The following STK3 variants were observed in gnomAD, a reference collection of about 807,000 sequenced individuals.
The protein encoded by STK3 is serine/threonine-protein kinase 3.
A neutral mutation model predicts 58.0 loss-of-function variants in STK3; 41 were observed. That is an observed-to-expected ratio of 0.71 (90% CI 0.55 to 0.92). The LOEUF (loss-of-function observed/expected upper bound fraction) is 0.92. Among genes scored for constraint, STK3 ranks in the 40% least tolerant of loss-of-function variants. The pLI, the probability that STK3 is intolerant of heterozygous loss-of-function variation, is 0.00. For synonymous variants in STK3, 170 were observed against 191.0 expected, an observed-to-expected ratio of 0.89 and a Z score of 0.91; for missense variants, 479 against 602.7, an observed-to-expected ratio of 0.79 and a Z score of 2.15.
At chr8:98,805,935 C>T (rs1434729940) in intron 1 of STK3, among the ~76,000 whole-genome samples, 1 of 152,156 alleles carries the variant, frequency 6.6e-6, no homozygotes, top group Non-Finnish European at 1.5e-5. Flanking sequence ...ACTTCTACCA[C>T]TGTCCCCACC....
chr8:98,446,853 A>G (rs1818972244), intron 1 of STK3, among the ~76,000 whole-genome samples: 1 of 152,202 alleles, frequency 6.6e-6, no homozygotes, highest in Non-Finnish European at 1.5e-5. Flanking sequence ...CCCACCAATG[A>G]CAGACTGGAC....
intron 10 of STK3, among the ~76,000 whole-genome samples, chr8:98,496,168 C>G (rs1056311066): frequency 6.6e-6 from 1 of 152,100 alleles, no homozygotes; most frequent in African/African-American, 2.4e-5. Flanking sequence ...TAGCACAGAG[C>G]AGGTCCTCAA....
At chr8:98,522,848 G>A (rs1249128636) in intron 10 of STK3, among the ~76,000 whole-genome samples, 2 of 152,140 alleles carry the variant, frequency 1.3e-5, no homozygotes, top group East Asian at 3.8e-4. Context: ...TGTCTTCAGT[G>A]CTTATCCATG....
intron 3 of STK3, among the ~76,000 whole-genome samples, chr8:98,750,875 C>G (rs903700002): frequency 1.3e-5 from 2 of 152,158 alleles, no homozygotes; most frequent in African/African-American, 2.4e-5. Context: ...CAAACCAAAT[C>G]CAGTGGCACA....
At chr8:98,481,774 C>T (rs569270819) in intron 10 of STK3, among the ~76,000 whole-genome samples, 5 of 150,466 alleles carry the variant, frequency 3.3e-5, no homozygotes, top group Admixed American at 6.6e-5. Flanking sequence ...TCTCAAGACA[C>T]GACTTTTTAA....
At chr8:98,713,041 A>C (rs949788681) in intron 4 of STK3, among the ~76,000 whole-genome samples, 1 of 152,224 alleles carries the variant, frequency 6.6e-6, no homozygotes, top group Admixed American at 6.5e-5. Flanking sequence ...ACTACTGGGT[A>C]CATAACGAAA....
intron 6 of STK3, among the ~76,000 whole-genome samples, chr8:98,627,476 T>C (rs1381594782): frequency 1.4e-5 from 2 of 142,918 alleles, no homozygotes; most frequent in Non-Finnish European, 3.0e-5. Context: ...ATCGTGCCAC[T>C]GCACTAAAAA....
intron 9 of STK3, among the ~76,000 whole-genome samples, chr8:98,544,463 T>C (rs981292951): frequency 2.0e-5 from 3 of 152,152 alleles, no homozygotes; most frequent in Non-Finnish European, 4.4e-5. Context: ...CTGTATATTA[T>C]TTATCTATAT....
chr8:98,540,674 AC>A (rs1198584931), intron 9 of STK3, among the ~76,000 whole-genome samples: 1 of 152,106 alleles, frequency 6.6e-6, no homozygotes, highest in African/African-American at 2.4e-5. Flanking sequence ...AAATTTAGCA[AC>A]CACTGCCGTG....
chr8:98,530,588 T>C (rs1325830531), intron 9 of STK3, among the ~76,000 whole-genome samples: 1 of 152,224 alleles, frequency 6.6e-6, no homozygotes, highest in African/African-American at 2.4e-5. Context: ...GAGGCACCTG[T>C]GCTGCTTAGA....
At chr8:98,599,730 G>A (rs894348342) in intron 6 of STK3, among the ~76,000 whole-genome samples, 1 of 152,128 alleles carries the variant, frequency 6.6e-6, no homozygotes, top group Non-Finnish European at 1.5e-5. Flanking sequence ...CCAACACTTT[G>A]AGGGGCTGAG....
chr8:98,764,220 T>C (rs775255720), intron 3 of STK3, among the ~76,000 whole-genome samples: 2 of 152,228 alleles, frequency 1.3e-5, no homozygotes, highest in Non-Finnish European at 2.9e-5. Context: ...TCTATAACAT[T>C]TCCTTCTCAT....
In STK3 at chr8:98,574,868, AT is replaced by A. The variant is rs565366535; in HGVS notation, c.948+4795del. Among the ~76,000 whole-genome samples the A allele has an allele frequency of 2.9e-4, 44 of 152,332 alleles. 1 individual carries two copies. In the South Asian group the frequency reaches 7.7e-3, roughly 27 times the overall value. On this transcript the variant is annotated intron_variant, in intron 8 of 10. Transcript: ENST00000419617. ...GAGGTAGGAATAGAACTTAGTTTTA[AT>A]GAAGAAACTTCTAACATTTGCTTGG... is the stretch of plus-strand genomic sequence containing the variant.
intron 2 of STK3, among the ~76,000 whole-genome samples, chr8:98,770,243 C>T (rs573513099): frequency 1.3e-5 from 2 of 152,210 alleles, no homozygotes; most frequent in South Asian, 4.1e-4. Flanking sequence ...CAGACCACTC[C>T]ACCACCACTT....
chr8:98,715,798 T>C (rs1169240846), intron 4 of STK3, among the ~76,000 whole-genome samples: 2 of 152,146 alleles, frequency 1.3e-5, no homozygotes. Flanking sequence ...ACCCAAAGGA[T>C]TATAAAACAT....
intron 4 of STK3, among the ~76,000 whole-genome samples, chr8:98,731,949 C>A (rs1828239439): frequency 2.0e-5 from 3 of 151,962 alleles, no homozygotes; most frequent in Non-Finnish European, 4.4e-5. Context: ...AGGAAACAGA[C>A]AATAGCATTT....
At chr8:98,806,285 A>T (rs994409331) in intron 1 of STK3, among the ~76,000 whole-genome samples, 2 of 152,076 alleles carry the variant, frequency 1.3e-5, no homozygotes, top group Non-Finnish European at 2.9e-5. Context: ...GACTTAAAAC[A>T]TGCCTTTATG....
rs1824400502 is a variant in STK3, at chr8:98,510,204, C to T, written c.1317+16538G>A. Among the ~76,000 whole-genome samples, 3 of 151,912 alleles carry T rather than the reference C, an allele frequency of 2.0e-5. No individual in the cohort carries two copies. The South Asian group carries it at 6.2e-4, about 32-fold the overall frequency. On this transcript the variant is annotated intron_variant, in intron 10 of 10. Coordinates refer to ENST00000419617, the MANE Select transcript of STK3 (RefSeq NM_006281.4). ...AAGAATTACTAGAGACAATAGATGC[C>T]CCTTTTGTTATGCTGCTATTAAGTA...
chr8:98,810,358 G>A (rs772430303), intron 1 of STK3, among the ~76,000 whole-genome samples: 1 of 151,824 alleles, frequency 6.6e-6, no homozygotes, highest in Non-Finnish European at 1.5e-5. Context: ...TCCCACAGTG[G>A]GTGCACTATT....
Sources: allele counts gnomAD v4.1 joint callset (sites outside exome capture counted in the v4.1 genomes callset), GRCh38; gene constraint gnomAD v4.1.1; transcripts MANE v1.5; gene names NCBI Gene and HGNC (gene_info 2026-07-23, HGNC 2026-07-21).